Variants in GRID2 observed in about 807,000 individuals in gnomAD.
GRID2 encodes glutamate receptor ionotropic, delta-2.
Under a neutral mutation model 114.8 loss-of-function variants are expected in GRID2, and 33 were observed. The observed-to-expected ratio is 0.29, with a 90% CI of 0.22 to 0.38. GRID2 has a LOEUF of 0.38. GRID2 is among the 10% of genes least tolerant of loss of function. The pLI, the probability that GRID2 is intolerant of heterozygous loss-of-function variation, is 1.00. For missense variants in GRID2, 1,184 were observed against 1,257.7 expected (o/e 0.94, Z 0.89); for synonymous variants, 505 against 449.9 (o/e 1.12, Z -1.55).
chr4:93,284,844 G>A (rs1471624917), intron 8 of GRID2, among the ~76,000 whole-genome samples: 2 of 151,840 alleles, frequency 1.3e-5, no homozygotes, highest in Non-Finnish European at 2.9e-5. Context: ...AGCGAGACTT[G>A]GTTCCTTCAA....
At chr4:92,578,496 G>A (rs13143519) in intron 1 of GRID2, among the ~76,000 whole-genome samples, 2 of 151,572 alleles carry the variant, frequency 1.3e-5, no homozygotes, top group Admixed American at 6.6e-5. Flanking sequence ...AGCCTCTCAG[G>A]TCTGGCTGCC....
intron 2 of GRID2, among the ~76,000 whole-genome samples, chr4:93,006,871 T>A (rs364133): frequency 1.3e-5 from 2 of 150,926 alleles, no homozygotes; most frequent in Non-Finnish European, 3.0e-5. Context: ...ACTGATGAAA[T>A]TTCTCTTCCT....
chr4:92,449,756 T>A (rs536412504), intron 1 of GRID2, among the ~76,000 whole-genome samples: 1 of 146,186 alleles, frequency 6.8e-6, no homozygotes, highest in Non-Finnish European at 1.5e-5. Flanking sequence ...GTCAGGAATC[T>A]CTAGAAGCTT....
chr4:93,092,355 A>C (rs1027154139), intron 3 of GRID2, among the ~76,000 whole-genome samples: 27 of 152,080 alleles, frequency 1.8e-4, no homozygotes, highest in African/African-American at 6.5e-4. Context: ...CACGACCTAA[A>C]AAAGTATCTA....
At chr4:93,025,853 G>A (rs925588142) in intron 2 of GRID2, among the ~76,000 whole-genome samples, 2 of 151,582 alleles carry the variant, frequency 1.3e-5, no homozygotes, top group African/African-American at 4.8e-5. Flanking sequence ...TTTTTAATGT[G>A]TATTCCTGGG....
chr4:92,314,596 A>C (rs193019706), intron 1 of GRID2, among the ~76,000 whole-genome samples: 21 of 152,286 alleles, frequency 1.4e-4, no homozygotes, highest in African/African-American at 4.6e-4. Flanking sequence ...TGACATCATA[A>C]CACAAATAGA....
At chr4:93,737,143 T>C (rs929077511) in intron 14 of GRID2, among the ~76,000 whole-genome samples, 1 of 152,070 alleles carries the variant, frequency 6.6e-6, no homozygotes, top group Non-Finnish European at 1.5e-5. Flanking sequence ...TATGATGCCA[T>C]AGTAAAAGCT....
At chr4:93,656,419 T>C (rs1722996272) in intron 14 of GRID2, among the ~76,000 whole-genome samples, 1 of 151,478 alleles carries the variant, frequency 6.6e-6, no homozygotes, top group Admixed American at 6.6e-5. Context: ...TTGTATTAAT[T>C]AACCTATTTG....
rs367662486 is a variant in GRID2 at position 93,591,868 on chromosome 4, T to C, written c.2194-34401T>C. Among the ~76,000 whole-genome samples the C allele has an allele frequency of 9.7e-4, 148 of 152,340 alleles. 1 individual carries two copies. The East Asian group carries it at 0.026, about 27-fold the overall frequency. On this transcript the variant is annotated intron_variant, in intron 13 of 15. Transcript: ENST00000282020. ...TAGAGGTGTTTATAGTATTCTCTGA[T>C]GGTAGTTTGTATTTCTGTGGGATCG...
intron 2 of GRID2, among the ~76,000 whole-genome samples, chr4:92,881,130 T>G (rs1255143176): frequency 6.6e-6 from 1 of 152,150 alleles, no homozygotes; most frequent in Non-Finnish European, 1.5e-5. Flanking sequence ...ATCCAAAGCC[T>G]GACCTCAGGT....
At chr4:92,881,924 T>G (rs1746049655) in intron 2 of GRID2, among the ~76,000 whole-genome samples, 1 of 152,200 alleles carries the variant, frequency 6.6e-6, no homozygotes, top group African/African-American at 2.4e-5. Context: ...ATAAGTGATT[T>G]AAATACTGTT....
intron 2 of GRID2, among the ~76,000 whole-genome samples, chr4:92,945,983 T>A (rs1459860710): frequency 2.0e-5 from 3 of 152,170 alleles, no homozygotes; most frequent in Non-Finnish European, 4.4e-5. Flanking sequence ...AGAAATATGT[T>A]GGAATCTCTA....
intron 1 of GRID2, among the ~76,000 whole-genome samples, chr4:92,312,337 C>A (rs141909135): frequency 2.0e-5 from 3 of 152,114 alleles, no homozygotes; most frequent in Admixed American, 1.3e-4. Context: ...AGATAACATT[C>A]TTTGCTTAAG....
intron 2 of GRID2, among the ~76,000 whole-genome samples, chr4:92,785,315 G>A (rs1001659687): frequency 1.3e-5 from 2 of 151,134 alleles, no homozygotes; most frequent in Admixed American, 6.6e-5. Flanking sequence ...ATCTATAAGT[G>A]GCAGAAATAC....
intron 2 of GRID2, among the ~76,000 whole-genome samples, chr4:92,701,895 G>A (rs1734692029): frequency 6.6e-6 from 1 of 152,076 alleles, no homozygotes; most frequent in South Asian, 2.1e-4. Flanking sequence ...CCTATGCTAA[G>A]ACTAAACCAG....
intron 1 of GRID2, among the ~76,000 whole-genome samples, chr4:92,420,223 A>G (rs1275603956): frequency 6.6e-6 from 1 of 152,170 alleles, no homozygotes; most frequent in African/African-American, 2.4e-5. Flanking sequence ...ATACTAAACT[A>G]TAATATAAAC....
At chr4:92,765,428 T>C (rs923260893) in intron 2 of GRID2, among the ~76,000 whole-genome samples, 1 of 152,160 alleles carries the variant, frequency 6.6e-6, no homozygotes, top group Non-Finnish European at 1.5e-5. Context: ...TGGAAATGCA[T>C]TTGGAAGCTG....
At chr4:92,423,664 A>G (rs1284682626) in intron 1 of GRID2, among the ~76,000 whole-genome samples, 2 of 152,228 alleles carry the variant, frequency 1.3e-5, no homozygotes, top group African/African-American at 2.4e-5. Flanking sequence ...TTTATATCCT[A>G]TTTTCCTTCA....
At chr4:93,360,896 CTTTG>C (rs1761824570) in intron 8 of GRID2, among the ~76,000 whole-genome samples, 1 of 151,482 alleles carries the variant, frequency 6.6e-6, no homozygotes, top group African/African-American at 2.4e-5. Flanking sequence ...GTCTATATTT[CTTTG>C]TTTTTCTTTG....
Sources: allele counts gnomAD v4.1 joint callset (sites outside exome capture counted in the v4.1 genomes callset), GRCh38; gene constraint gnomAD v4.1.1; transcripts MANE v1.5; gene names NCBI Gene and HGNC (gene_info 2026-07-23, HGNC 2026-07-21).